Variants in DAB1 observed in about 807,000 individuals in gnomAD.
DAB1 encodes the protein DAB adaptor protein 1.
Under a neutral mutation model 64.6 loss-of-function variants are expected in DAB1, and 15 were observed. The ratio of observed to expected loss-of-function variants is 0.23; its 90% CI spans 0.16 to 0.36. The LOEUF (loss-of-function observed/expected upper bound fraction) is 0.36, where lower values mean the gene tolerates loss of function less well. Among genes scored for constraint, DAB1 ranks in the 10% least tolerant of loss-of-function variants. The pLI, the probability that DAB1 is intolerant of heterozygous loss-of-function variation, is 1.00. For synonymous variants in DAB1, 235 were observed against 251.9 expected (o/e 0.93, Z 0.64); for missense variants, 596 against 706.7 (o/e 0.84, Z 1.78).
intron 3 of DAB1, among the ~76,000 whole-genome samples, chr1:58,429,408 G>C (rs953773594): frequency 1.3e-5 from 2 of 152,208 alleles, no homozygotes; most frequent in Admixed American, 1.3e-4. Flanking sequence ...TCCAGGAATT[G>C]AGGAGAAACT....
intron 3 of DAB1, among the ~76,000 whole-genome samples, chr1:58,479,901 T>C (rs1309275744): frequency 1.3e-5 from 2 of 152,160 alleles, no homozygotes; most frequent in Non-Finnish European, 2.9e-5. Flanking sequence ...AAGATAAATA[T>C]AGGGCCCAGT....
intron 5 of DAB1, among the ~76,000 whole-genome samples, chr1:57,955,200 T>A (rs1645363678): frequency 6.6e-6 from 1 of 152,170 alleles, no homozygotes; most frequent in African/African-American, 2.4e-5. Flanking sequence ...GCTTTTAGCC[T>A]CTCTGATGTG....
chr1:57,590,780 A>C (rs1305974692), intron 7 of DAB1, among the ~76,000 whole-genome samples: 3 of 138,216 alleles, frequency 2.2e-5, no homozygotes, highest in African/African-American at 7.9e-5. Flanking sequence ...ACACACACAC[A>C]CACCCCACTC....
At chr1:57,606,933 T>C (rs2030718) in intron 7 of DAB1, among the ~76,000 whole-genome samples, 140,974 of 150,366 alleles carry the variant, frequency 0.94, 66,351 homozygotes, top group East Asian at 1. Context: ...TACAGGTGCC[T>C]GCCACCACGT....
intron 5 of DAB1, among the ~76,000 whole-genome samples, chr1:58,082,206 C>T (rs1650037576): frequency 6.6e-6 from 1 of 152,152 alleles, no homozygotes; most frequent in South Asian, 2.1e-4. Flanking sequence ...TGATGTGGAA[C>T]ATTTATACCA....
At chr1:58,391,146 G>A (rs1033067819) in intron 3 of DAB1, among the ~76,000 whole-genome samples, 2 of 152,208 alleles carry the variant, frequency 1.3e-5, no homozygotes, top group African/African-American at 4.8e-5. Context: ...GCAACCCAGA[G>A]TAGTATAGCA....
intron 8 of DAB1, among the ~76,000 whole-genome samples, chr1:57,064,581 G>C (rs910755236): frequency 6.6e-6 from 1 of 152,218 alleles, no homozygotes; most frequent in Non-Finnish European, 1.5e-5. Context: ...CCCTTGGACA[G>C]AGTAGTTTGT....
At chr1:57,535,072 C>T (rs531384039) in intron 7 of DAB1, among the ~76,000 whole-genome samples, 5 of 152,300 alleles carry the variant, frequency 3.3e-5, no homozygotes, top group African/African-American at 1.2e-4. Context: ...AGGGCATCTC[C>T]TAAGCCAAGA....
At chr1:57,605,949 C>T in intron 7 of DAB1, 1 of 687,398 alleles carries the variant, frequency 1.5e-6, no homozygotes, top group South Asian at 1.4e-5. Flanking sequence ...CAAAGAGTCA[C>T]TTGTGGATTC....
At chr1:57,707,179 C>T (rs1319193387) in intron 6 of DAB1, among the ~76,000 whole-genome samples, 1 of 152,160 alleles carries the variant, frequency 6.6e-6, no homozygotes, top group Non-Finnish European at 1.5e-5. Flanking sequence ...TCCACCTTAT[C>T]TAATTGCTGG....
intron 6 of DAB1, among the ~76,000 whole-genome samples, chr1:57,805,504 T>C (rs1438205139): frequency 6.6e-6 from 1 of 152,238 alleles, no homozygotes; most frequent in Admixed American, 6.5e-5. Flanking sequence ...GAGTATAAAC[T>C]TTTATTTTGC....
At chr1:57,114,212 C>T (rs1423626242) in intron 4 of DAB1, among the ~76,000 whole-genome samples, 3 of 152,112 alleles carry the variant, frequency 2.0e-5, no homozygotes, top group South Asian at 4.1e-4. Context: ...GTGAATAGAC[C>T]GCTACAGATA....
chr1:57,563,641 T>C (rs1000977016), intron 7 of DAB1, among the ~76,000 whole-genome samples: 7 of 152,180 alleles, frequency 4.6e-5, no homozygotes, highest in Non-Finnish European at 7.4e-5. Flanking sequence ...CAAGAGATTA[T>C]ATCCTGCACC....
At chr1:57,804,163 G>C (rs1651256722) in intron 6 of DAB1, among the ~76,000 whole-genome samples, 1 of 152,148 alleles carries the variant, frequency 6.6e-6, no homozygotes, top group Non-Finnish European at 1.5e-5. Flanking sequence ...TTCTACAATG[G>C]ATCAAAATGG....
intron 1 of DAB1, among the ~76,000 whole-genome samples, chr1:57,371,850 A>G (rs763525910): frequency 6.6e-6 from 1 of 152,154 alleles, no homozygotes; most frequent in South Asian, 2.1e-4. Context: ...TTTGATTGTC[A>G]CTTGTGATGT....
intron 4 of DAB1, among the ~76,000 whole-genome samples, chr1:57,091,318 T>C (rs1374675137): frequency 2.0e-5 from 3 of 152,252 alleles, no homozygotes; most frequent in Non-Finnish European, 2.9e-5. Flanking sequence ...CCATTGCTTC[T>C]GTAGACCCAC....
intron 4 of DAB1, among the ~76,000 whole-genome samples, chr1:58,167,354 A>C (rs1655899936): frequency 6.6e-6 from 1 of 152,130 alleles, no homozygotes; most frequent in Non-Finnish European, 1.5e-5. Flanking sequence ...TGCACCAATC[A>C]GCACTCTGTA....
chr1:58,258,135 A>G (rs1660974155), intron 4 of DAB1, among the ~76,000 whole-genome samples: 2 of 152,138 alleles, frequency 1.3e-5, no homozygotes, highest in African/African-American at 4.8e-5. Context: ...CTGTCCCAGC[A>G]TTGTTACGGC....
intron 5 of DAB1, among the ~76,000 whole-genome samples, chr1:58,100,369 G>A (rs1007362878): frequency 1.3e-5 from 2 of 152,148 alleles, no homozygotes; most frequent in South Asian, 4.1e-4. Flanking sequence ...CATGCATATT[G>A]TAGCCTGTGT....
Sources: gnomAD v4.1 joint callset for allele counts (sites outside exome capture counted in the v4.1 genomes callset) on GRCh38, gnomAD v4.1.1 for gene constraint, MANE v1.5 for transcripts, NCBI Gene and HGNC (gene_info 2026-07-23, HGNC 2026-07-21) for gene names.